Variants in TBC1D22B observed in about 807,000 individuals in gnomAD.
TBC1D22B encodes the protein chromosome 6 open reading frame 197.
Under a neutral mutation model 69.1 loss-of-function variants are expected in TBC1D22B, and 32 were observed. The observed-to-expected ratio is 0.46, with a 90% confidence interval of 0.35 to 0.62. The LOEUF is 0.62. Ranked by LOEUF, TBC1D22B falls within the 20% of genes least tolerant of loss-of-function variation. The pLI, the probability that TBC1D22B is intolerant of heterozygous loss-of-function variation, is 0.00. For synonymous variants in TBC1D22B, 206 were observed against 229.8 expected (o/e 0.90, Z 0.94); for missense variants, 462 against 630.9 (o/e 0.73, Z 2.87).
chr6:37,309,668 G>A (rs1014123058), intron 8 of TBC1D22B, among the ~76,000 whole-genome samples: 2 of 152,160 alleles, frequency 1.3e-5, no homozygotes, highest in African/African-American at 4.8e-5. Context: ...GCTAGTCCTG[G>A]AGAAGAGTCT....
At chr6:37,318,366 G>A (rs1219783751) in intron 12 of TBC1D22B, among the ~76,000 whole-genome samples, 1 of 152,230 alleles carries the variant, frequency 6.6e-6, no homozygotes, top group African/African-American at 2.4e-5. Flanking sequence ...ATGGTTTATG[G>A]AGAAGGCTAC....
intron 8 of TBC1D22B, among the ~76,000 whole-genome samples, chr6:37,292,263 C>T (rs1024428579): frequency 2.0e-5 from 3 of 151,946 alleles, no homozygotes; most frequent in Non-Finnish European, 4.4e-5. Context: ...TGGAGGAAGC[C>T]ATTTGGAGGG....
At chr6:37,259,688 A>G (rs1197485798) in intron 1 of TBC1D22B, among the ~76,000 whole-genome samples, 1 of 152,216 alleles carries the variant, frequency 6.6e-6, no homozygotes, top group African/African-American at 2.4e-5. Context: ...ATTTTGAAGA[A>G]TATAGAGAAA....
chr6:37,313,415 A>G (rs990394875), intron 9 of TBC1D22B, among the ~76,000 whole-genome samples: 4 of 151,750 alleles, frequency 2.6e-5, no homozygotes, highest in African/African-American at 9.7e-5. Flanking sequence ...ACTTGAGCCT[A>G]GGAGGTCAAA....
chr6:37,327,425 C>A (rs1374207972), intron 12 of TBC1D22B, among the ~76,000 whole-genome samples: 3 of 81,722 alleles, frequency 3.7e-5, no homozygotes, highest in East Asian at 2.8e-4. Context: ...TTGCAGTGAG[C>A]CGAGATCGTG....
intron 6 of TBC1D22B, among the ~76,000 whole-genome samples, chr6:37,285,315 CTTTTT>C (rs756459599): frequency 6.8e-5 from 5 of 73,552 alleles, no homozygotes; most frequent in African/African-American, 3.0e-4. Flanking sequence ...TCCTTCCCCA[CTTTTT>C]TTTTTTTTTT....
intron 6 of TBC1D22B, among the ~76,000 whole-genome samples, chr6:37,285,997 T>C (rs1766995624): frequency 6.6e-6 from 1 of 152,242 alleles, no homozygotes; most frequent in Non-Finnish European, 1.5e-5. Context: ...TTTTTGCAGC[T>C]TTCTGAGCTC....
rs114556426 is a variant in TBC1D22B at position 37,280,675 on chromosome 6, C to T, written c.421+1064C>T. On this transcript the variant is annotated intron_variant, in intron 3 of 12. Coordinates refer to ENST00000373491, the MANE Select transcript of TBC1D22B (RefSeq NM_017772.4). ...CTGCCCTGTGCAGCCAGGACCTCCC[C>T]CGCCCAGCCCAGAGCATTCTCCCTG... Among the ~76,000 whole-genome samples the T allele has an allele frequency of 7.4e-3, 1,134 of 152,356 alleles. 11 individuals carry two copies. Among genetic ancestry groups the T allele is most frequent in the African/African-American group, 0.026 (1,078 of 41,574 alleles).
intron 7 of TBC1D22B, among the ~76,000 whole-genome samples, chr6:37,288,063 C>T (rs557435035): frequency 3.2e-4 from 49 of 152,266 alleles, no homozygotes; most frequent in African/African-American, 9.9e-4. Flanking sequence ...GCTCTTTTAA[C>T]GGAACTTTCA....
chr6:37,329,261 A>G lies in TBC1D22B; in HGVS notation c.1390-1783A>G, dbSNP rs573952766. On this transcript the variant is annotated intron_variant, in intron 12 of 12. Transcript: ENST00000373491. ...ATCATACTGTAAATATTGTTCTGCAACTGCCTTTTTTATCCTTTCCAAAAT... is the reference window on the plus strand; with the variant it reads ...ATCATACTGTAAATATTGTTCTGCAGCTGCCTTTTTTATCCTTTCCAAAAT... Among the ~76,000 whole-genome samples the G allele has an allele frequency of 2.2e-4, 34 of 152,316 alleles. 1 individual carries two copies. In the South Asian group the frequency reaches 5.4e-3, roughly 24 times the overall value.
In TBC1D22B at chr6:37,331,400, G is replaced by A; in HGVS notation, c.*228G>A. On this transcript the variant is annotated 3_prime_UTR_variant, in exon 13 of 13. Transcript: ENST00000373491. Reference sequence around the variant, plus strand: ...CGCGTGGATGGGCCCAGTTCTGGGAGAGGACAGAAAAGGTGGTACAGGGTT... The same window carrying A: ...CGCGTGGATGGGCCCAGTTCTGGGAAAGGACAGAAAAGGTGGTACAGGGTT... 1 of 491,966 alleles carries A rather than the reference G, an allele frequency of 2.0e-6. No individual in the cohort carries two copies. The highest frequency in any genetic ancestry group is 3.7e-6 in the Non-Finnish European group (1 of 270,386). The allele number at this position is 491,966 out of a possible 1,614,324, so 30.5% of individuals were successfully genotyped here. A position where few individuals can be genotyped will look rare whatever the true frequency, so the allele number is the denominator to read the frequency against.
chr6:37,315,580 A>T (rs1223750286), intron 10 of TBC1D22B, among the ~76,000 whole-genome samples: 2 of 151,548 alleles, frequency 1.3e-5, no homozygotes, highest in Non-Finnish European at 2.9e-5. Flanking sequence ...TCTCCCCAGA[A>T]ATAACTTGTT....
At chr6:37,307,857 G>C (rs1767784327) in intron 8 of TBC1D22B, among the ~76,000 whole-genome samples, 1 of 152,202 alleles carries the variant, frequency 6.6e-6, no homozygotes, top group Non-Finnish European at 1.5e-5. Flanking sequence ...TGAGATCACA[G>C]ATGGTTCCTG....
intron 6 of TBC1D22B, among the ~76,000 whole-genome samples, chr6:37,284,866 G>A (rs1050992334): frequency 2.6e-5 from 4 of 152,216 alleles, no homozygotes; most frequent in African/African-American, 4.8e-5. Flanking sequence ...AAGCGTTATC[G>A]AGCATGGAGA....
intron 12 of TBC1D22B, among the ~76,000 whole-genome samples, chr6:37,328,757 A>G (rs1160978669): frequency 6.6e-6 from 1 of 152,080 alleles, no homozygotes; most frequent in East Asian, 1.9e-4. Flanking sequence ...ATTTCCACAG[A>G]GTAGCTTCAC....
intron 5 of TBC1D22B, 129 bp from the exon 6 acceptor site, chr6:37,284,207 C>T (rs1440604543): frequency 2.1e-6 from 3 of 1,457,126 alleles, no homozygotes; most frequent in South Asian, 1.2e-5. Context: ...GTGGCCAGAA[C>T]CAAAAAGGGA....
chr6:37,323,351 G>C (rs1768304325), intron 12 of TBC1D22B, among the ~76,000 whole-genome samples: 1 of 152,126 alleles, frequency 6.6e-6, no homozygotes, highest in Non-Finnish European at 1.5e-5. Context: ...AACATAGGGA[G>C]ACCCTGTCTC....
chr6:37,284,572 A>G (rs990577031), intron 6 of TBC1D22B, 108 bp downstream of exon 6: 3 of 1,240,434 alleles, frequency 2.4e-6, no homozygotes, highest in African/African-American at 3.1e-5. Context: ...GCTGTGGTAT[A>G]TTGGTTAGGA....
chr6:37,279,328 C>G lies in TBC1D22B; in HGVS notation c.138C>G (p.Val46=), dbSNP rs1452865287. 1 of 1,607,208 alleles carries G rather than the reference C, an allele frequency of 6.2e-7. No individual in the cohort carries two copies. The highest frequency in any genetic ancestry group is 2.2e-5 in the East Asian group (1 of 44,786). Reference sequence around the variant, plus strand: ...GTTTCATTAAAGAACGATCAAAAGTCAACACAGTTCCTCTGAAGAATAAGA... The same window carrying G: ...GTTTCATTAAAGAACGATCAAAAGTGAACACAGTTCCTCTGAAGAATAAGA... ...TKNFIKERSK[V]NTVPLKNKKA... is the part of the protein sequence containing the mutation. The change falls in exon 3 of 13, where the codon GTC becomes GTG. Residue 46 remains valine (V), a synonymous_variant. Coordinates refer to ENST00000373491, the MANE Select transcript of TBC1D22B (RefSeq NM_017772.4).
Sources: gnomAD v4.1 joint callset for allele counts (sites outside exome capture counted in the v4.1 genomes callset) on GRCh38, gnomAD v4.1.1 for gene constraint, MANE v1.5 for transcripts, NCBI Gene and HGNC (gene_info 2026-07-23, HGNC 2026-07-21) for gene names.